PHACTR1: variants seen among roughly 807,000 people sequenced by gnomAD.
PHACTR1 encodes phosphatase and actin regulator 1.
In PHACTR1, 16 loss-of-function variants were observed where a neutral mutation model predicts 69.2. That is an observed-to-expected ratio of 0.23 (90% CI 0.16 to 0.35). The LOEUF is 0.35. Ranked by LOEUF, PHACTR1 falls within the 10% of genes least tolerant of loss-of-function variation. The probability of loss-of-function intolerance (pLI) is 1.00; values close to 1 mark genes in which losing one functional copy is unlikely to be tolerated. For synonymous variants in PHACTR1, 312 were observed against 284.5 expected, an observed-to-expected ratio of 1.10 and a Z score of -0.97; for missense variants, 510 against 734.7, an observed-to-expected ratio of 0.69 and a Z score of 3.54.
At chr6:12,964,527 T>G (rs1432190198) in intron 4 of PHACTR1, among the ~76,000 whole-genome samples, 2 of 152,100 alleles carry the variant, frequency 1.3e-5, no homozygotes, top group Non-Finnish European at 2.9e-5. Context: ...AAGGCACGCC[T>G]GGAGTGTACA....
chr6:12,820,212 CGCTCTGTTGCCAAG>C (rs1776051548), intron 4 of PHACTR1, among the ~76,000 whole-genome samples: 1 of 152,092 alleles, frequency 6.6e-6, no homozygotes. Context: ...GATAGAGTCT[CGCTCTGTTGCCAAG>C]GCTGGAGTGC....
chr6:13,173,069 C>T (rs1400242828), intron 6 of PHACTR1, among the ~76,000 whole-genome samples: 2 of 152,204 alleles, frequency 1.3e-5, no homozygotes, highest in East Asian at 3.9e-4. Context: ...CTACAGTCCC[C>T]TGTAGTGTCT....
At chr6:12,844,613 A>G (rs1304816737) in intron 4 of PHACTR1, among the ~76,000 whole-genome samples, 2 of 152,108 alleles carry the variant, frequency 1.3e-5, no homozygotes, top group South Asian at 2.1e-4. Context: ...CAAGTGTTCA[A>G]TAACTGTTAG....
chr6:13,048,821 C>T (rs541397178), intron 4 of PHACTR1, among the ~76,000 whole-genome samples: 10 of 152,300 alleles, frequency 6.6e-5, no homozygotes, highest in South Asian at 2.1e-4. Context: ...CGTGAGCCAC[C>T]GCACCAAGCC....
intron 5 of PHACTR1, among the ~76,000 whole-genome samples, chr6:13,082,268 C>T (rs542602384): frequency 5.8e-4 from 88 of 152,284 alleles, no homozygotes; most frequent in African/African-American, 2.0e-3. Flanking sequence ...ATGGGTATCA[C>T]TTTGCTTAAA....
intron 4 of PHACTR1, among the ~76,000 whole-genome samples, chr6:13,000,614 GAGGAAGGAAGGA>G (rs796923836): frequency 9.6e-6 from 1 of 103,650 alleles, no homozygotes; most frequent in African/African-American, 4.6e-5. Context: ...GGAGGGAAGG[GAGGAAGGAAGGA>G]AGGAAGGAAG....
chr6:12,939,560 T>A (rs962717214), intron 4 of PHACTR1, among the ~76,000 whole-genome samples: 3 of 152,202 alleles, frequency 2.0e-5, no homozygotes, highest in East Asian at 1.9e-4. Flanking sequence ...GCATAGCTCA[T>A]ACTAATTGGA....
chr6:13,162,033 A>T (rs1056669889), intron 6 of PHACTR1, among the ~76,000 whole-genome samples: 3 of 152,092 alleles, frequency 2.0e-5, no homozygotes, highest in Admixed American at 6.5e-5. Flanking sequence ...AAGAATCCAT[A>T]CTTTTCTTGC....
intron 4 of PHACTR1, among the ~76,000 whole-genome samples, chr6:12,999,971 T>C (rs977410235): frequency 6.6e-6 from 1 of 152,238 alleles, no homozygotes; most frequent in Non-Finnish European, 1.5e-5. Flanking sequence ...ATTTGAAATA[T>C]TTCATGAAGA....
At chr6:12,906,422 G>A (rs527552796) in intron 4 of PHACTR1, among the ~76,000 whole-genome samples, 1 of 152,246 alleles carries the variant, frequency 6.6e-6, no homozygotes, top group East Asian at 1.9e-4. Flanking sequence ...TCAATGAAAA[G>A]TGCTCTTGAT....
intron 4 of PHACTR1, among the ~76,000 whole-genome samples, chr6:13,014,160 G>GGGC (rs1313684625): frequency 6.6e-6 from 1 of 152,012 alleles, no homozygotes; most frequent in Non-Finnish European, 1.5e-5. Flanking sequence ...GGGCCCGTCG[G>GGGC]GGCGGCGGCG....
intron 4 of PHACTR1, among the ~76,000 whole-genome samples, chr6:12,928,969 G>T (rs1397737222): frequency 6.6e-6 from 1 of 152,168 alleles, no homozygotes; most frequent in African/African-American, 2.4e-5. Flanking sequence ...GCAAGGCATT[G>T]GTGTTTTTTC....
At chr6:12,745,108 A>C (rs759524483) in intron 3 of PHACTR1, among the ~76,000 whole-genome samples, 3 of 152,180 alleles carry the variant, frequency 2.0e-5, no homozygotes, top group Non-Finnish European at 4.4e-5. Flanking sequence ...ACATATTTTG[A>C]GTAATATTTT....
At chr6:13,152,687 T>C (rs1385241080) in intron 5 of PHACTR1, among the ~76,000 whole-genome samples, 1 of 152,150 alleles carries the variant, frequency 6.6e-6, no homozygotes, top group African/African-American at 2.4e-5. Flanking sequence ...AGTGCAAAGA[T>C]TGGTGTGTTT....
At chr6:13,255,820 C>T (rs371506531) in intron 10 of PHACTR1, among the ~76,000 whole-genome samples, 2 of 152,222 alleles carry the variant, frequency 1.3e-5, no homozygotes, top group East Asian at 1.9e-4. Context: ...TCCACAGCTG[C>T]TCTCATGGAC....
rs975416058 is a variant in PHACTR1 at position 12,770,443 on chromosome 6, C to A, written c.250+20653C>A. ...GGCCCAGTCTGGGAGAGTGAGGGAT[C>A]TTTAGACAGGAAGGCACTGAGGTTG... On this transcript the variant is annotated intron_variant, in intron 4 of 14. Coordinates refer to ENST00000332995, the MANE Select transcript of PHACTR1 (RefSeq NM_030948.6). Among the ~76,000 whole-genome samples the A allele has an allele frequency of 6.6e-5, 10 of 152,252 alleles. 1 individual carries two copies. Among genetic ancestry groups the A allele is most frequent in the Admixed American group, 5.9e-4 (9 of 15,298 alleles).
intron 5 of PHACTR1, among the ~76,000 whole-genome samples, chr6:13,074,902 A>G (rs1381570108): frequency 6.6e-6 from 1 of 152,222 alleles, no homozygotes; most frequent in East Asian, 1.9e-4. Flanking sequence ...TATGAATATT[A>G]TGATCCTATT....
Position 13,283,630 on chromosome 6 carries a change from T to TG in PHACTR1, c.1650+72dup. The TG allele has an allele frequency of 1.2e-6, 2 of 1,607,720 alleles. No homozygotes were observed. The highest frequency in any genetic ancestry group is 1.7e-6 in the Non-Finnish European group (2 of 1,176,010). On this transcript the variant is annotated intron_variant, in intron 13 of 14. Transcript: ENST00000332995. This position sits in a 1 kb window ranked among gnomAD's most constrained non-coding sequence, Gnocchi z 4.7. ...TGCTGGGTCTCGCTGGGCTCACCGC[T>TG]GGGGAGCGTGTAGGGAGACCTGCAG...
rs141135773 is a variant in PHACTR1, at chr6:13,179,001, C to T, written c.497-3518C>T. Among the ~76,000 whole-genome samples, 726 of 152,140 alleles carry T rather than the reference C, an allele frequency of 4.8e-3. 4 individuals carry two copies. Among genetic ancestry groups the T allele is most frequent in the African/African-American group, 0.017 (697 of 41,482 alleles). On this transcript the variant is annotated intron_variant, in intron 6 of 14. Coordinates refer to ENST00000332995, the MANE Select transcript of PHACTR1 (RefSeq NM_030948.6). The surrounding 1 kb of genome is among the most constrained non-coding windows in gnomAD (Gnocchi z 4.2). The stretch of plus-strand genomic sequence containing the variant: ...CTGTAATCCCAGCACTTTGGGAGGC[C>T]GAGGTGGGTGGATCACTTGAGTCAA...
Sources: allele counts gnomAD v4.1 joint callset (sites outside exome capture counted in the v4.1 genomes callset), GRCh38; gene constraint gnomAD v4.1.1; non-coding constraint Gnocchi (gnomAD v3.1); transcripts MANE v1.5; gene names NCBI Gene and HGNC (gene_info 2026-07-23, HGNC 2026-07-21).